The following SDK1 variants were observed in gnomAD, a reference collection of about 807,000 sequenced individuals.
SDK1 encodes protein sidekick-1.
In SDK1, 157 loss-of-function variants were observed where a neutral mutation model predicts 245.5. That is an observed-to-expected ratio of 0.64 (90% CI 0.56 to 0.73). The LOEUF is 0.73. SDK1 is among the 30% of genes least tolerant of loss of function. The pLI is 0.00. For synonymous variants in SDK1, 1,647 were observed against 1,278.5 expected, an observed-to-expected ratio of 1.29 and a Z score of -6.15; for missense variants, 3,583 against 3,002.3, an observed-to-expected ratio of 1.19 and a Z score of -4.52.
intron 1 of SDK1, among the ~76,000 whole-genome samples, chr7:3,440,319 G>A (rs959859258): frequency 3.9e-5 from 6 of 152,186 alleles, no homozygotes; most frequent in Non-Finnish European, 7.4e-5. Flanking sequence ...AGGTTGCTCA[G>A]TGCAAGTGAT....
rs1788606375 is a variant in SDK1 at position 4,268,474 on chromosome 7, CTGT to C, written c.*3091_*3093del. ...TTTATAAGGCGCACTTCACTCAATG[CTGT>C]AGCCAAAAAACGAGGGGCCCCAGGG... On this transcript the variant is annotated 3_prime_UTR_variant, in exon 45 of 45. Transcript: ENST00000404826. The C allele has an allele frequency of 1.8e-5, 21 of 1,175,062 alleles. No homozygotes were observed. In the South Asian group the frequency reaches 3.4e-4, roughly 19 times the overall value. 72.8% of individuals were successfully genotyped at this position (1,175,062 alleles called of 1,614,324 possible).
chr7:4,163,787 C>T (rs1302845926), intron 32 of SDK1, among the ~76,000 whole-genome samples: 1 of 152,168 alleles, frequency 6.6e-6, no homozygotes, highest in East Asian at 1.9e-4. Context: ...TGGGTGGGGC[C>T]AGCCAGGGGG....
chr7:4,232,228 G>C (rs1785823223), intron 40 of SDK1, among the ~76,000 whole-genome samples: 1 of 151,814 alleles, frequency 6.6e-6, no homozygotes, highest in South Asian at 2.1e-4. Context: ...ACAAGGGTCA[G>C]AGAGGTTCCG....
At chr7:3,791,700 G>C (rs370578222) in intron 4 of SDK1, among the ~76,000 whole-genome samples, 1 of 152,172 alleles carries the variant, frequency 6.6e-6, no homozygotes, top group Non-Finnish European at 1.5e-5. Context: ...GTCTCTGAAA[G>C]GAGAATCAGT....
rs984082698 is a variant in SDK1, at chr7:3,395,768, G to A, written c.298+93884G>A. Among the ~76,000 whole-genome samples, 31 of 151,780 alleles carry A rather than the reference G, an allele frequency of 2.0e-4. 1 individual carries two copies. Among genetic ancestry groups the A allele is most frequent in the Non-Finnish European group, 5.9e-5 (4 of 67,818 alleles). Reference sequence around the variant, plus strand: ...TTTGTCTATTTAAGTTGTTGAATTTGTTGGCGTAAAGTTGTTAATATTTCT... The same window carrying A: ...TTTGTCTATTTAAGTTGTTGAATTTATTGGCGTAAAGTTGTTAATATTTCT... On this transcript the variant is annotated intron_variant, in intron 1 of 44. Transcript: ENST00000404826.
chr7:3,783,041 T>G (rs942163647), intron 4 of SDK1, among the ~76,000 whole-genome samples: 6 of 152,244 alleles, frequency 3.9e-5, no homozygotes, highest in Non-Finnish European at 8.8e-5. Context: ...GTGGGATTTA[T>G]TCTTCGATAC....
intron 5 of SDK1, among the ~76,000 whole-genome samples, chr7:3,912,320 C>G (rs1250203861): frequency 6.6e-6 from 1 of 152,176 alleles, no homozygotes; most frequent in Non-Finnish European, 1.5e-5. Context: ...ATTGTGAACT[C>G]TGAGAAGAGA....
chr7:3,894,703 T>C (rs1184806782), intron 5 of SDK1, among the ~76,000 whole-genome samples: 6 of 149,628 alleles, frequency 4.0e-5, no homozygotes, highest in Non-Finnish European at 8.9e-5. Flanking sequence ...TTTTTCTTTT[T>C]TTTTTTTTTT....
chr7:3,615,650 T>C (rs1291144530), intron 1 of SDK1, among the ~76,000 whole-genome samples: 1 of 151,638 alleles, frequency 6.6e-6, no homozygotes, highest in Non-Finnish European at 1.5e-5. Context: ...GTTGTACAAG[T>C]CAGAGACATA....
chr7:3,654,287 T>A (rs1200596390), intron 4 of SDK1, among the ~76,000 whole-genome samples: 2 of 152,158 alleles, frequency 1.3e-5, no homozygotes, highest in Non-Finnish European at 2.9e-5. Context: ...ACTGCTCTTA[T>A]CCTGGGGCAA....
chr7:3,660,461 G>A (rs1031442474), intron 4 of SDK1, among the ~76,000 whole-genome samples: 3 of 151,882 alleles, frequency 2.0e-5, no homozygotes, highest in African/African-American at 7.3e-5. Flanking sequence ...GAAATAGGAG[G>A]GAGACAGAAG....
chr7:4,228,002 A>G (rs977558180), intron 40 of SDK1, among the ~76,000 whole-genome samples: 1 of 152,236 alleles, frequency 6.6e-6, no homozygotes, highest in Non-Finnish European at 1.5e-5. Context: ...AAGGATCTTC[A>G]ATATTAGCCA....
intron 5 of SDK1, among the ~76,000 whole-genome samples, chr7:3,891,960 C>G (rs540126529): frequency 6.6e-6 from 1 of 152,280 alleles, no homozygotes; most frequent in Non-Finnish European, 1.5e-5. Context: ...TTCTATAACA[C>G]CAGTTCACAC....
chr7:4,175,794 G>A lies in SDK1; in HGVS notation c.4956G>A (p.Thr1652=), dbSNP rs149497835. The A allele has an allele frequency of 1.9e-5, 30 of 1,613,770 alleles. No homozygotes were observed. Among genetic ancestry groups the A allele is most frequent in the African/African-American group, 1.6e-4 (12 of 74,946 alleles). The change falls in exon 34 of 45, where the codon ACG becomes ACA. Residue 1652 remains threonine, a synonymous_variant. Transcript: ENST00000404826. ...CAATAGCCCAAAGCAGCTTCAAGACGGTGAACAGCAGCTCCACATCGACGA... is the reference window on the plus strand; with the variant it reads ...CAATAGCCCAAAGCAGCTTCAAGACAGTGAACAGCAGCTCCACATCGACGA... The part of the protein sequence containing the change: ...AELTAQSSFK[T]VNSSSTSTMC...
chr7:3,339,675 A>G (rs781145226), intron 1 of SDK1, among the ~76,000 whole-genome samples: 1 of 152,178 alleles, frequency 6.6e-6, no homozygotes, highest in East Asian at 1.9e-4. Context: ...AAAGGAAAAT[A>G]TTAAACATAA....
At chr7:3,741,181 CAGAG>C (rs1779464824) in intron 4 of SDK1, among the ~76,000 whole-genome samples, 1 of 152,200 alleles carries the variant, frequency 6.6e-6, no homozygotes, top group African/African-American at 2.4e-5. Flanking sequence ...AGAAATATGT[CAGAG>C]AGCTTGCTGG....
intron 5 of SDK1, among the ~76,000 whole-genome samples, chr7:3,851,796 C>T (rs1379765737): frequency 6.6e-6 from 1 of 152,078 alleles, no homozygotes; most frequent in Non-Finnish European, 1.5e-5. Flanking sequence ...AGCTAAGCGG[C>T]TAAATAGCTT....
intron 5 of SDK1, among the ~76,000 whole-genome samples, chr7:3,890,576 G>C (rs1386978320): frequency 6.6e-6 from 1 of 151,994 alleles, no homozygotes. Context: ...GATAACACTT[G>C]AGTCTCTATG....
rs532281867 is a variant in SDK1 at position 4,077,064 on chromosome 7, C to G, written c.3077C>G (p.Thr1026Arg). Residue 1026 changes from threonine (T) to arginine (R), a missense_variant, in exon 21 of 45, where the codon ACG becomes AGG. Physicochemically the swap from Thr to Arg is moderately conservative, Grantham distance 71. Coordinates refer to ENST00000404826, the MANE Select transcript of SDK1 (RefSeq NM_152744.4). ...CGTCTCACGCACACCCTGAACAGCA[C>G]GACGCACGAGTACAAGATCCAAGGC... The part of the protein sequence containing the change: ...DSRLTHTLNS[T>R]THEYKIQGLS... 4 of 1,614,180 alleles carry G rather than the reference C, an allele frequency of 2.5e-6. No individual in the cohort carries two copies. Among genetic ancestry groups the G allele is most frequent in the African/African-American group, 1.3e-5 (1 of 75,056 alleles).
Sources: gnomAD v4.1 joint callset for allele counts (sites outside exome capture counted in the v4.1 genomes callset) on GRCh38, gnomAD v4.1.1 for gene constraint, MANE v1.5 for transcripts, NCBI Gene and HGNC (gene_info 2026-07-23, HGNC 2026-07-21) for gene names.